Variants in ADGRE1 observed in about 807,000 individuals in gnomAD.
ADGRE1 encodes adhesion G protein-coupled receptor E1, also known as EGF-like module receptor 1.
A neutral mutation model predicts 102.7 loss-of-function variants in ADGRE1; 82 were observed. The ratio of observed to expected loss-of-function variants is 0.80; its 90% CI spans 0.67 to 0.96. The LOEUF is 0.96. Among genes scored for constraint, ADGRE1 ranks in the 40% least tolerant of loss-of-function variants. The probability of loss-of-function intolerance (pLI) is 0.00; values close to 1 mark genes in which losing one functional copy is unlikely to be tolerated. For synonymous variants in ADGRE1, 398 were observed against 399.6 expected (o/e 1.00, Z 0.05); for missense variants, 1,032 against 1,085.3 (o/e 0.95, Z 0.69).
At chr19:6,897,914 TTTCCTTCCTTCC>T (rs5826951) in intron 5 of ADGRE1, 4,344 of 159,260 alleles carry the variant, frequency 0.027, 152 homozygotes, top group African/African-American at 0.089. Flanking sequence ...GCAAACATGA[TTTCCTTCCTTCC>T]TTCCTTCCTT....
Position 6,918,748 on chromosome 19 carries a change from GTTTTC to G in ADGRE1, c.1421-795_1421-791del, listed in dbSNP as rs1002544364. ...AGCACTGGGAGGTCTGTTTTGTTTT[GTTTTC>G]TTTTTTTGTCACCCAGGCTGGAGTG... On this transcript the variant is annotated intron_variant, in intron 12 of 20. Coordinates refer to ENST00000312053, the MANE Select transcript of ADGRE1 (RefSeq NM_001974.5). 1.8e-3 allele frequency among the ~76,000 whole-genome samples: 280 copies of G among 152,192 alleles called. 2 individuals are homozygous for G. The highest frequency in any genetic ancestry group is 6.8e-3 in the Middle Eastern group (2 of 294).
At chr19:6,914,366 C>T (rs1421551093) in intron 11 of ADGRE1, among the ~76,000 whole-genome samples, 4 of 152,184 alleles carry the variant, frequency 2.6e-5, no homozygotes, top group Admixed American at 6.5e-5. Flanking sequence ...TTACAATAGA[C>T]CCAAAGCATT....
At position 6,937,240 on chromosome 19, in the gene ADGRE1, C is replaced by A; in HGVS notation, c.2382-3C>A. On this transcript the variant is annotated splice_region_variant and splice_polypyrimidine_tract_variant and intron_variant, in intron 18 of 20. Transcript: ENST00000312053. ...CCTTACATGCTGTACATCTTCTCCCCAGGTTACTGACCTTCAAGGCCTTTG... is the reference window on the plus strand; with the variant it reads ...CCTTACATGCTGTACATCTTCTCCCAAGGTTACTGACCTTCAAGGCCTTTG... The A allele has an allele frequency of 6.2e-7, 1 of 1,612,548 alleles. No homozygotes were observed. Among genetic ancestry groups the A allele is most frequent in the South Asian group, 1.1e-5 (1 of 90,848 alleles).
chr19:6,927,771 C>A (rs1421356593), intron 16 of ADGRE1, among the ~76,000 whole-genome samples: 1 of 152,072 alleles, frequency 6.6e-6, no homozygotes, highest in East Asian at 1.9e-4. Context: ...AAGCGATTCT[C>A]CTATCTCAGC....
chr19:6,919,442 CTGTGTGTGTGTGTGTG>C (rs149877096), intron 12 of ADGRE1, 90 bp from the exon 13 acceptor site: 122 of 450,422 alleles, frequency 2.7e-4, no homozygotes, highest in East Asian at 1.3e-3. Flanking sequence ...CTCCCTCCCT[CTGTGTGTGTGTGTGTG>C]TGTGTGTGTG....
chr19:6,938,800 T>A (rs1975549884), intron 20 of ADGRE1, among the ~76,000 whole-genome samples: 1 of 139,502 alleles, frequency 7.2e-6, no homozygotes, highest in African/African-American at 2.8e-5. Flanking sequence ...TTTCTTTTTT[T>A]CTTTTTTTTT....
At chr19:6,891,968 C>T (rs1385058896) in intron 2 of ADGRE1, among the ~76,000 whole-genome samples, 1 of 152,048 alleles carries the variant, frequency 6.6e-6, no homozygotes. Context: ...TGACTGATGA[C>T]ACAGGGCAGG....
intron 5 of ADGRE1, among the ~76,000 whole-genome samples, chr19:6,899,153 A>T (rs1568338875): frequency 6.6e-6 from 1 of 152,148 alleles, no homozygotes; most frequent in African/African-American, 2.4e-5. Context: ...AAACAATGGT[A>T]TCAGAATATA....
chr19:6,924,292 T>A (rs1341140849), intron 14 of ADGRE1, among the ~76,000 whole-genome samples: 2 of 152,086 alleles, frequency 1.3e-5, no homozygotes, highest in African/African-American at 4.8e-5. Context: ...ACAGTTGAAA[T>A]GTGGAATTAG....
At chr19:6,906,366 G>C in intron 8 of ADGRE1, 67 bp from the exon 9 acceptor site, 1 of 1,420,716 alleles carries the variant, frequency 7.0e-7, no homozygotes, top group Non-Finnish European at 9.9e-7. Flanking sequence ...CATGAAATCA[G>C]ACTTGAATTT....
chr19:6,916,506 T>C, intron 12 of ADGRE1, 138 bp downstream of exon 12: 2 of 1,159,992 alleles, frequency 1.7e-6, no homozygotes, highest in Non-Finnish European at 2.4e-6. Context: ...TCTCAGAGAG[T>C]TTTCCATGTG....
intron 6 of ADGRE1, 94 bp downstream of exon 6, chr19:6,902,115 T>A: frequency 6.8e-7 from 1 of 1,469,060 alleles, no homozygotes; most frequent in Non-Finnish European, 9.3e-7. Context: ...AGTTTGAGAC[T>A]TTCATCTGCA....
intron 17 of ADGRE1, chr19:6,928,639 AAAT>A: frequency 1.1e-5 from 2 of 178,264 alleles, no homozygotes. Context: ...AAAAAAAAAA[AAAT>A]AAATAAATAA....
At chr19:6,937,708 C>T in intron 20 of ADGRE1, 60 bp downstream of exon 20, 3 of 1,511,676 alleles carry the variant, frequency 2.0e-6, no homozygotes, top group Non-Finnish European at 2.7e-6. Context: ...CTCTTGGTGA[C>T]ACTCAGCTCT....
intron 18 of ADGRE1, among the ~76,000 whole-genome samples, 187 bp downstream of exon 18, chr19:6,935,265 C>G (rs1226800285): frequency 6.6e-6 from 1 of 151,994 alleles, no homozygotes; most frequent in Non-Finnish European, 1.5e-5. Flanking sequence ...AGCTGTGTGA[C>G]CTTAGGCAAG....
In ADGRE1 at chr19:6,908,569, T is replaced by C. The variant is rs888289228; in HGVS notation, c.1039-120T>C. 2.2e-5 allele frequency: 16 copies of C among 733,504 alleles called. No homozygotes were observed. The East Asian group carries it at 3.8e-4, about 17-fold the overall frequency. The allele number at this position is 733,504 out of a possible 1,614,324, so 45.4% of individuals were successfully genotyped here. ...TAGTTTCCCTGAGAATTCTAGAGACTCAGGAATTCAGAGCCACCTCATATG... is the reference window on the plus strand; with the variant it reads ...TAGTTTCCCTGAGAATTCTAGAGACCCAGGAATTCAGAGCCACCTCATATG... On this transcript the variant is annotated intron_variant, in intron 9 of 20. Coordinates refer to ENST00000312053, the MANE Select transcript of ADGRE1 (RefSeq NM_001974.5).
chr19:6,935,493 T>A (rs1268261212), intron 18 of ADGRE1, among the ~76,000 whole-genome samples: 1 of 152,210 alleles, frequency 6.6e-6, no homozygotes, highest in African/African-American at 2.4e-5. Context: ...TTTTATGGTT[T>A]TTTTTCTCTC....
chr19:6,912,765 A>G (rs887791756), intron 10 of ADGRE1, among the ~76,000 whole-genome samples: 8 of 152,182 alleles, frequency 5.3e-5, no homozygotes, highest in African/African-American at 1.9e-4. Flanking sequence ...TCCACAAACT[A>G]TCCTGAGATG....
chr19:6,940,194 T>A lies in ADGRE1; in HGVS notation c.*165T>A. 1.3e-6 allele frequency: 1 copy of A among 741,640 alleles called. No homozygotes were observed. The highest frequency in any genetic ancestry group is 2.2e-6 in the Non-Finnish European group (1 of 449,028). The allele number at this position is 741,640 out of a possible 1,614,324, so 45.9% of individuals were successfully genotyped here. A position where few individuals can be genotyped will look rare whatever the true frequency, so the allele number is the denominator to read the frequency against. ...GTTGGGGGCGGTCTTCCTGTGGTTG[T>A]ATGCACTGATGAGAAATCAGGCGTT... On this transcript the variant is annotated 3_prime_UTR_variant, in exon 21 of 21. Transcript: ENST00000312053.
Sources: gnomAD v4.1 joint callset for allele counts (sites outside exome capture counted in the v4.1 genomes callset) on GRCh38, gnomAD v4.1.1 for gene constraint, MANE v1.5 for transcripts, NCBI Gene and HGNC (gene_info 2026-07-23, HGNC 2026-07-21) for gene names.